Variants in RORA observed in about 807,000 individuals in gnomAD.
The protein encoded by RORA is nuclear receptor ROR-alpha.
RORA carries 7 observed loss-of-function variants against 69.5 expected under a neutral mutation model. The observed-to-expected ratio is 0.10, with a 90% CI of 0.06 to 0.19. RORA has a LOEUF of 0.19. Ranked by LOEUF, RORA falls within the 10% of genes least tolerant of loss-of-function variation. The pLI, the probability that RORA is intolerant of heterozygous loss-of-function variation, is 1.00. For missense variants in RORA, 457 were observed against 663.0 expected (o/e 0.69, Z 3.41); for synonymous variants, 261 against 240.8 (o/e 1.08, Z -0.78).
chr15:60,530,976 G>C (rs1465139119), intron 3 of RORA: 1 of 152,096 alleles, frequency 6.6e-6, no homozygotes, highest in Admixed American at 6.5e-5. Context: ...AATAACAGAG[G>C]TAATCTGGGC....
chr15:61,014,900 T>C (rs1354462014), intron 1 of RORA, among the ~76,000 whole-genome samples: 1 of 152,208 alleles, frequency 6.6e-6, no homozygotes, highest in Non-Finnish European at 1.5e-5. Flanking sequence ...GCTTCTGCCT[T>C]ACCAAGGTTT....
At chr15:60,529,201 C>CA in intron 3 of RORA, 1 of 152,314 alleles carries the variant, frequency 6.6e-6, no homozygotes, top group South Asian at 2.1e-4. Context: ...TTTCTTCTCT[C>CA]ATTAGATATC....
At chr15:60,524,902 G>A (rs2066298486) in intron 3 of RORA, among the ~76,000 whole-genome samples, 1 of 152,192 alleles carries the variant, frequency 6.6e-6, no homozygotes, top group Non-Finnish European at 1.5e-5. Flanking sequence ...AAACTTAAGA[G>A]AGGTTAAGCC....
chr15:60,606,752 A>G (rs1237770888), intron 2 of RORA, among the ~76,000 whole-genome samples: 1 of 152,210 alleles, frequency 6.6e-6, no homozygotes, highest in Non-Finnish European at 1.5e-5. Context: ...AAGAAATACT[A>G]AATTAGAACT....
At chr15:60,843,531 A>G (rs1230215732) in intron 1 of RORA, among the ~76,000 whole-genome samples, 1 of 152,306 alleles carries the variant, frequency 6.6e-6, no homozygotes, top group South Asian at 2.1e-4. Flanking sequence ...TGTTCTTGTT[A>G]CACGTGTCAT....
chr15:60,610,675 A>C (rs2069064298), intron 2 of RORA, among the ~76,000 whole-genome samples: 1 of 152,146 alleles, frequency 6.6e-6, no homozygotes, highest in Admixed American at 6.5e-5. Context: ...TGCTGTTACT[A>C]AGTAGGCAGT....
chr15:61,079,437 T>C (rs892161486), intron 1 of RORA, among the ~76,000 whole-genome samples: 1 of 152,216 alleles, frequency 6.6e-6, no homozygotes, highest in Non-Finnish European at 1.5e-5. Flanking sequence ...CCTGATGGCA[T>C]GATATGCTCT....
At chr15:61,130,682 C>G (rs2079182932) in intron 1 of RORA, among the ~76,000 whole-genome samples, 1 of 152,142 alleles carries the variant, frequency 6.6e-6, no homozygotes, top group African/African-American at 2.4e-5. Context: ...GAGAAAAACA[C>G]AGGTAAATGA....
At chr15:60,639,936 G>C (rs1347054336) in intron 2 of RORA, among the ~76,000 whole-genome samples, 1 of 152,200 alleles carries the variant, frequency 6.6e-6, no homozygotes, top group Non-Finnish European at 1.5e-5. Flanking sequence ...TACCCCAGGA[G>C]TCTGTGCTCA....
intron 7 of RORA, 68 bp downstream of exon 7, chr15:60,503,467 C>T: frequency 6.5e-7 from 1 of 1,530,470 alleles, no homozygotes; most frequent in Non-Finnish European, 9.0e-7. Flanking sequence ...CCTTACCAAG[C>T]ATTTCTTTAA....
At chr15:61,220,678 A>C (rs551159690) in intron 1 of RORA, among the ~76,000 whole-genome samples, 1 of 152,240 alleles carries the variant, frequency 6.6e-6, no homozygotes. Flanking sequence ...AAAGCAGCTC[A>C]CCGTGCCCTT....
Position 61,162,501 on chromosome 15 carries a change from TGAGG to T in RORA, c.166+66548_166+66551del, listed in dbSNP as rs2079504223. On this transcript the variant is annotated intron_variant, in intron 1 of 10. Coordinates refer to ENST00000335670, the MANE Select transcript of RORA (RefSeq NM_134261.3). ...TTTCTGGTGCTAACAGTGGTCTTGGTGAGGGACTCTACCAACTGTGAGTAACATA... is the reference window on the plus strand; with the variant it reads ...TTTCTGGTGCTAACAGTGGTCTTGGTGACTCTACCAACTGTGAGTAACATA... Among the ~76,000 whole-genome samples, 3 of 152,158 alleles carry T rather than the reference TGAGG, an allele frequency of 2.0e-5. No individual in the cohort carries two copies. The South Asian group carries it at 6.2e-4, about 32-fold the overall frequency.
chr15:61,064,955 G>A (rs971201889), intron 1 of RORA, among the ~76,000 whole-genome samples: 44 of 152,174 alleles, frequency 2.9e-4, no homozygotes, highest in African/African-American at 9.9e-4. Flanking sequence ...CCCAGCAACA[G>A]AGACTAACAT....
chr15:60,811,283 C>T (rs1189896040), intron 1 of RORA, among the ~76,000 whole-genome samples: 1 of 152,172 alleles, frequency 6.6e-6, no homozygotes, highest in Non-Finnish European at 1.5e-5. Flanking sequence ...TTCAGAGATA[C>T]CTGGTGCCAT....
At chr15:61,085,004 C>G (rs887316839) in intron 1 of RORA, among the ~76,000 whole-genome samples, 1 of 152,096 alleles carries the variant, frequency 6.6e-6, no homozygotes, top group Non-Finnish European at 1.5e-5. Flanking sequence ...GACATGATAA[C>G]GGGGGAGCCC....
rs144466538 is a variant in RORA, at chr15:61,039,441, G to A, written c.166+189612C>T. The stretch of plus-strand genomic sequence containing the variant: ...CTCAGAGACAGTTCTCTGAGGCTGA[G>A]GTTCACATTCTTCCTTGGTAAAACA... On this transcript the variant is annotated intron_variant, in intron 1 of 10. Coordinates refer to ENST00000335670, the MANE Select transcript of RORA (RefSeq NM_134261.3). 3.9e-5 allele frequency among the ~76,000 whole-genome samples: 6 copies of A among 152,132 alleles called. No individual in the cohort carries two copies. The East Asian group carries it at 1.2e-3, about 29-fold the overall frequency.
chr15:60,864,053 CCA>C (rs2073460412), intron 1 of RORA, among the ~76,000 whole-genome samples: 2 of 152,334 alleles, frequency 1.3e-5, no homozygotes, highest in South Asian at 2.1e-4. Flanking sequence ...GATCCGCCTG[CCA>C]CAGTCTCCCA....
rs138240364 is a variant in RORA at position 60,657,075 on chromosome 15, G to A, written c.196+21582C>T. Among the ~76,000 whole-genome samples, 4 of 152,260 alleles carry A rather than the reference G, an allele frequency of 2.6e-5. No homozygotes were observed. The East Asian group carries it at 7.7e-4, about 29-fold the overall frequency. ...CTTGCAGAATTGGCTATGTGGGTTG[G>A]CACACAGCACCGTGAATATTAGAAA... On this transcript the variant is annotated intron_variant, in intron 2 of 10. Transcript: ENST00000335670.
intron 2 of RORA, among the ~76,000 whole-genome samples, chr15:60,609,593 C>G (rs2069036432): frequency 1.3e-5 from 2 of 152,120 alleles, no homozygotes; most frequent in South Asian, 2.1e-4. Flanking sequence ...GCAATGATCA[C>G]AGACAAAGCC....
Sources: gnomAD v4.1 joint callset for allele counts (sites outside exome capture counted in the v4.1 genomes callset) on GRCh38, gnomAD v4.1.1 for gene constraint, MANE v1.5 for transcripts, NCBI Gene and HGNC (gene_info 2026-07-23, HGNC 2026-07-21) for gene names.